ZEB2: variants seen among roughly 807,000 people sequenced by gnomAD.
The protein encoded by ZEB2 is zinc finger E-box-binding homeobox 2.
Under a neutral mutation model 99.9 loss-of-function variants are expected in ZEB2, and 6 were observed. The ratio of observed to expected loss-of-function variants is 0.06; its 90% CI spans 0.03 to 0.12. The LOEUF (loss-of-function observed/expected upper bound fraction) is 0.12. ZEB2 is among the 10% of genes least tolerant of loss of function. ZEB2 has a pLI of 1.00. For synonymous variants in ZEB2, 517 were observed against 542.5 expected, an observed-to-expected ratio of 0.95 and a Z score of 0.65; for missense variants, 969 against 1,502.8, an observed-to-expected ratio of 0.64 and a Z score of 5.87.
intron 2 of ZEB2, chr2:144,513,826 G>A (rs908374914): frequency 2.9e-5 from 44 of 1,534,622 alleles, no homozygotes; most frequent in Non-Finnish European, 3.5e-5. Context: ...GTATAATCAG[G>A]GGAAAGAAAA....
chr2:144,420,511 CTT>C (rs906552522), intron 4 of ZEB2, among the ~76,000 whole-genome samples: 4 of 152,282 alleles, frequency 2.6e-5, no homozygotes, highest in African/African-American at 4.8e-5. Flanking sequence ...GAAGAAACCT[CTT>C]GTCTTCATGA....
chr2:144,516,329 G>A (rs1235251426), intron 2 of ZEB2: 1 of 150,822 alleles, frequency 6.6e-6, no homozygotes, highest in Non-Finnish European at 1.5e-5. Context: ...TTTGTTTGGG[G>A]TAATACCTAG....
At chr2:144,411,927 G>T (rs1177912556) in intron 4 of ZEB2, among the ~76,000 whole-genome samples, 1 of 152,230 alleles carries the variant, frequency 6.6e-6, no homozygotes, top group African/African-American at 2.4e-5. Context: ...CAACGATTTT[G>T]ATTGCTGTGT....
intron 3 of ZEB2, 95 bp from the exon 4 acceptor site, chr2:144,424,962 G>A (rs906163440): frequency 1.5e-6 from 2 of 1,361,058 alleles, no homozygotes; most frequent in African/African-American, 2.9e-5. Context: ...TTCTTTTAAA[G>A]GAAACAGAGA....
chr2:144,403,785 TA>T, intron 6 of ZEB2, 130 bp downstream of exon 6: 1 of 1,163,176 alleles, frequency 8.6e-7, no homozygotes, highest in East Asian at 2.5e-5. Context: ...AGACCTCAAT[TA>T]AAGCTATTAC....
chr2:144,449,384 T>C (rs774938515), intron 2 of ZEB2, among the ~76,000 whole-genome samples: 12 of 152,150 alleles, frequency 7.9e-5, no homozygotes, highest in Non-Finnish European at 1.5e-4. Flanking sequence ...ATACTAACTT[T>C]AACATCCTAA....
intron 3 of ZEB2, among the ~76,000 whole-genome samples, chr2:144,425,135 G>A (rs530147446): frequency 1.3e-5 from 2 of 152,188 alleles, no homozygotes; most frequent in South Asian, 2.1e-4. Flanking sequence ...TCTGGTGGCA[G>A]TTCTAGTGAC....
chr2:144,513,456 T>G, intron 2 of ZEB2: 1 of 1,481,788 alleles, frequency 6.7e-7, no homozygotes. Context: ...TAACTTTTCC[T>G]TTCTTCTCCT....
At chr2:144,468,387 T>G (rs1048024076) in intron 2 of ZEB2, among the ~76,000 whole-genome samples, 1 of 152,176 alleles carries the variant, frequency 6.6e-6, no homozygotes, top group Non-Finnish European at 1.5e-5. Context: ...AATCCTTTCA[T>G]TACAAGAATA....
intron 2 of ZEB2, among the ~76,000 whole-genome samples, chr2:144,451,417 G>A (rs1421301858): frequency 1.3e-5 from 2 of 152,192 alleles, no homozygotes; most frequent in Non-Finnish European, 2.9e-5. Context: ...CCTGCACATT[G>A]TATTGACTTA....
chr2:144,487,820 G>T (rs985169230), intron 2 of ZEB2, among the ~76,000 whole-genome samples: 7 of 152,114 alleles, frequency 4.6e-5, no homozygotes, highest in African/African-American at 1.7e-4. Context: ...CTGTGAAAAA[G>T]AACTAGGGCC....
chr2:144,477,338 A>G (rs1432426504), intron 2 of ZEB2, among the ~76,000 whole-genome samples: 1 of 152,234 alleles, frequency 6.6e-6, no homozygotes, highest in East Asian at 1.9e-4. Flanking sequence ...GTTAAAAGTA[A>G]AACTAAAAGC....
chr2:144,496,217 A>C (rs1704756223), intron 2 of ZEB2: 1 of 152,246 alleles, frequency 6.6e-6, no homozygotes, highest in Admixed American at 6.5e-5. Context: ...TAGTCATCGC[A>C]AAAGGATTAT....
intron 2 of ZEB2, among the ~76,000 whole-genome samples, chr2:144,441,581 G>A (rs1303641891): frequency 6.7e-6 from 1 of 148,968 alleles, no homozygotes; most frequent in Non-Finnish European, 1.5e-5. Context: ...TTCACTTTCT[G>A]AGGTGGCAAG....
At chr2:144,510,556 C>T (rs1171849775) in intron 2 of ZEB2, among the ~76,000 whole-genome samples, 2 of 152,148 alleles carry the variant, frequency 1.3e-5, no homozygotes, top group Admixed American at 1.3e-4. Flanking sequence ...GACATGCCAT[C>T]TTGTAACACT....
chr2:144,415,572 G>A (rs1404469471), intron 4 of ZEB2, among the ~76,000 whole-genome samples: 1 of 152,126 alleles, frequency 6.6e-6, no homozygotes. Context: ...TTTCCACAGG[G>A]CCATTCCTGC....
At chr2:144,493,012 A>T (rs1704704450) in intron 2 of ZEB2, among the ~76,000 whole-genome samples, 1 of 152,256 alleles carries the variant, frequency 6.6e-6, no homozygotes, top group African/African-American at 2.4e-5. Context: ...GACAAAAGTC[A>T]TCTCAGAATG....
rs1206115465 is a variant in ZEB2 at position 144,385,066 on chromosome 2, TC to T, written c.*4384del. 2 of 152,312 alleles carry T rather than the reference TC, an allele frequency of 1.3e-5. No individual in the cohort carries two copies. The highest frequency in any genetic ancestry group is 3.9e-4 in the East Asian group (2 of 5,186). The allele number at this position is 152,312 out of a possible 1,614,324, so 9.4% of individuals were successfully genotyped here. A position where few individuals can be genotyped will look rare whatever the true frequency, so the allele number is the denominator to read the frequency against. Reference sequence around the variant, plus strand: ...GATCAGATGAGTCACCTGTGATTTTTCTTAATGTCTTCAAATGTAGGAATGT... The same window carrying T: ...GATCAGATGAGTCACCTGTGATTTTTTTAATGTCTTCAAATGTAGGAATGT... On this transcript the variant is annotated 3_prime_UTR_variant, in exon 10 of 10. Coordinates refer to ENST00000627532, the MANE Select transcript of ZEB2 (RefSeq NM_014795.4).
At chr2:144,434,724 G>A (rs1703815198) in intron 2 of ZEB2, among the ~76,000 whole-genome samples, 2 of 152,126 alleles carry the variant, frequency 1.3e-5, no homozygotes, top group Non-Finnish European at 2.9e-5. Flanking sequence ...CTTAATTTGA[G>A]TTATAGAAGC....
Sources: allele counts gnomAD v4.1 joint callset (sites outside exome capture counted in the v4.1 genomes callset), GRCh38; gene constraint gnomAD v4.1.1; transcripts MANE v1.5; gene names NCBI Gene and HGNC (gene_info 2026-07-23, HGNC 2026-07-21).